The following TENM2 variants were observed in gnomAD, a reference collection of about 807,000 sequenced individuals.
The protein encoded by TENM2 is teneurin-2.
TENM2 carries 52 observed loss-of-function variants against 245.2 expected under a neutral mutation model. The ratio of observed to expected loss-of-function variants is 0.21; its 90% CI spans 0.17 to 0.27. The LOEUF (loss-of-function observed/expected upper bound fraction) is 0.27, where lower values mean the gene tolerates loss of function less well. TENM2 is among the 10% of genes least tolerant of loss of function. The pLI is 1.00. For synonymous variants in TENM2, 1,363 were observed against 1,438.9 expected (o/e 0.95, Z 1.19); for missense variants, 3,046 against 3,666.8 (o/e 0.83, Z 4.37).
At chr5:168,169,769 A>G (rs1161649597) in intron 13 of TENM2, among the ~76,000 whole-genome samples, 1 of 152,216 alleles carries the variant, frequency 6.6e-6, no homozygotes, top group Non-Finnish European at 1.5e-5. Flanking sequence ...AAATGCCTTG[A>G]TTAATGTATC....
At chr5:167,055,281 GAA>G in the TENM2 span, among the ~76,000 whole-genome samples, 10 of 152,104 alleles carry the variant, frequency 6.6e-5, no homozygotes, top group South Asian at 2.1e-3. Flanking sequence ...CTAATTTTTT[GAA>G]AAGACTATCC....
intron 2 of TENM2, among the ~76,000 whole-genome samples, chr5:167,875,534 G>A (rs960715742): frequency 3.9e-5 from 6 of 152,130 alleles, no homozygotes; most frequent in South Asian, 2.1e-4. Context: ...CTAAGCGGGC[G>A]AATGATACAA....
the TENM2 span, among the ~76,000 whole-genome samples, chr5:167,047,414 T>C: frequency 1.7e-5 from 2 of 118,526 alleles, no homozygotes; most frequent in Admixed American, 1.7e-4. Flanking sequence ...AATGTGAGAA[T>C]TACAAAGAAA....
At chr5:167,152,101 A>G in the TENM2 span, among the ~76,000 whole-genome samples, 1 of 152,188 alleles carries the variant, frequency 6.6e-6, no homozygotes, top group African/African-American at 2.4e-5. Flanking sequence ...AAATAATCAC[A>G]TTGGAAAAGA....
intron 2 of TENM2, among the ~76,000 whole-genome samples, chr5:167,720,490 A>C (rs2150515947): frequency 6.6e-6 from 1 of 152,260 alleles, no homozygotes; most frequent in South Asian, 2.1e-4. Context: ...TGCTAATACA[A>C]CCTTTTCCTT....
At chr5:167,052,070 C>T in the TENM2 span, among the ~76,000 whole-genome samples, 1 of 152,076 alleles carries the variant, frequency 6.6e-6, no homozygotes, top group Non-Finnish European at 1.5e-5. Context: ...CATTCATGTC[C>T]TCTCTATATA....
At chr5:167,995,557 G>A (rs1783992053) in intron 5 of TENM2, among the ~76,000 whole-genome samples, 1 of 152,144 alleles carries the variant, frequency 6.6e-6, no homozygotes. Flanking sequence ...CTCTCCCGAG[G>A]TGACCGCAGG....
At chr5:168,209,045 A>G (rs1762590391) in intron 19 of TENM2, among the ~76,000 whole-genome samples, 1 of 152,222 alleles carries the variant, frequency 6.6e-6, no homozygotes, top group Admixed American at 6.5e-5. Flanking sequence ...ATCTTTTAAT[A>G]TCACAGTTAT....
At chr5:167,360,733 C>G (rs1255811992) in intron 1 of TENM2, among the ~76,000 whole-genome samples, 1 of 152,176 alleles carries the variant, frequency 6.6e-6, no homozygotes, top group Non-Finnish European at 1.5e-5. Context: ...GTTTTCTAGT[C>G]ACAGATAACT....
intron 1 of TENM2, chr5:167,287,251 A>G (rs1175907383): frequency 1.3e-5 from 2 of 152,210 alleles, no homozygotes; most frequent in African/African-American, 4.8e-5. Context: ...AGTACATTCA[A>G]CTTGAAACTT....
chr5:167,852,780 A>G (rs1013789014), intron 2 of TENM2, among the ~76,000 whole-genome samples: 1 of 152,190 alleles, frequency 6.6e-6, no homozygotes, highest in Non-Finnish European at 1.5e-5. Context: ...AGAATTCAAG[A>G]AATTGCAGAA....
At chr5:167,402,487 A>G (rs1762416125) in intron 2 of TENM2, among the ~76,000 whole-genome samples, 1 of 152,140 alleles carries the variant, frequency 6.6e-6, no homozygotes, top group South Asian at 2.1e-4. Context: ...TCAAGTATGG[A>G]TATATTTAGA....
At chr5:167,118,392 A>AAAT in the TENM2 span, among the ~76,000 whole-genome samples, 7 of 152,192 alleles carry the variant, frequency 4.6e-5, no homozygotes, top group Admixed American at 1.3e-4. Context: ...ATTCTATAAA[A>AAAT]AATGCTTGCC....
chr5:167,163,790 T>A, the TENM2 span, among the ~76,000 whole-genome samples: 1 of 152,188 alleles, frequency 6.6e-6, no homozygotes, highest in African/African-American at 2.4e-5. Flanking sequence ...AGTATTTTAC[T>A]GTATCTATAA....
the TENM2 span, among the ~76,000 whole-genome samples, chr5:167,205,337 C>T: frequency 1.8e-3 from 281 of 152,218 alleles, 1 homozygote; most frequent in African/African-American, 6.5e-3. Context: ...GCCAAGATCA[C>T]GCCACTGCAC....
chr5:167,521,043 G>C (rs1021743982), intron 2 of TENM2, among the ~76,000 whole-genome samples: 18 of 151,158 alleles, frequency 1.2e-4, no homozygotes, highest in African/African-American at 4.4e-4. Flanking sequence ...TAATAGATGG[G>C]TCATAGAGCC....
At chr5:167,062,713 A>G in the TENM2 span, among the ~76,000 whole-genome samples, 1 of 152,346 alleles carries the variant, frequency 6.6e-6, no homozygotes, top group South Asian at 2.1e-4. Flanking sequence ...GTATTAAAAA[A>G]GAAACAAAGA....
chr5:167,752,714 C>T (rs1178731269), intron 2 of TENM2, among the ~76,000 whole-genome samples: 2 of 152,132 alleles, frequency 1.3e-5, no homozygotes, highest in Non-Finnish European at 2.9e-5. Context: ...TATACGTGAG[C>T]GTGGCTAGTC....
chr5:168,231,602 T>C (rs1764912698), intron 25 of TENM2, among the ~76,000 whole-genome samples: 1 of 152,104 alleles, frequency 6.6e-6, no homozygotes, highest in South Asian at 2.1e-4. Context: ...TGTGTGGCAT[T>C]AGAAAGCTCT....
Sources: allele counts gnomAD v4.1 joint callset (sites outside exome capture counted in the v4.1 genomes callset), GRCh38; gene constraint gnomAD v4.1.1; transcripts MANE v1.5; gene names NCBI Gene and HGNC (gene_info 2026-07-23, HGNC 2026-07-21).